Variants in TENM2 observed in about 807,000 individuals in gnomAD.
The protein encoded by TENM2 is teneurin transmembrane protein 2, also known as teneurin-2.
In TENM2, 52 loss-of-function variants were observed where a neutral mutation model predicts 245.2. The observed-to-expected ratio is 0.21, with a 90% CI of 0.17 to 0.27. TENM2 has a LOEUF of 0.27. TENM2 is among the 10% of genes least tolerant of loss of function. The probability of loss-of-function intolerance (pLI) is 1.00; values close to 1 mark genes in which losing one functional copy is unlikely to be tolerated. For synonymous variants in TENM2, 1,363 were observed against 1,438.9 expected (o/e 0.95, Z 1.19); for missense variants, 3,046 against 3,666.8 (o/e 0.83, Z 4.37).
chr5:168,149,500 G>A lies in TENM2; in HGVS notation c.2423-13111G>A, dbSNP rs561619743. On this transcript the variant is annotated intron_variant, in intron 12 of 28. Coordinates refer to ENST00000518659, the Ensembl canonical transcript of TENM2. ...TGTGTCTCTAAAGCCTTCCCTTTCCGAGGCATGTTAGGAAAACAGAAACAC... is the reference window on the plus strand; with the variant it reads ...TGTGTCTCTAAAGCCTTCCCTTTCCAAGGCATGTTAGGAAAACAGAAACAC... The A allele has an allele frequency of 5.6e-5, 22 of 393,042 alleles. No homozygotes were observed. The African/African-American group carries it at 5.8e-4, about 10-fold the overall frequency. 24.3% of individuals were successfully genotyped at this position (393,042 alleles called of 1,614,324 possible). A position where few individuals can be genotyped will look rare whatever the true frequency, so the allele number is the denominator to read the frequency against.
intron 27 of TENM2, among the ~76,000 whole-genome samples, chr5:168,254,480 G>C (rs1287041211): frequency 6.7e-6 from 1 of 150,080 alleles, no homozygotes; most frequent in Non-Finnish European, 1.5e-5. Context: ...GAGGAAGAAG[G>C]GGAGGAAGAG....
intron 2 of TENM2, among the ~76,000 whole-genome samples, chr5:167,484,446 G>A (rs530926568): frequency 1.4e-4 from 22 of 152,136 alleles, no homozygotes; most frequent in Non-Finnish European, 3.2e-4. Context: ...GGGAGAAGAT[G>A]TCCATATATG....
chr5:167,836,917 A>G (rs1338153323), intron 2 of TENM2, among the ~76,000 whole-genome samples: 1 of 152,188 alleles, frequency 6.6e-6, no homozygotes, highest in Non-Finnish European at 1.5e-5. Flanking sequence ...GAGGCACTGG[A>G]AAATCTGCTT....
intron 2 of TENM2, among the ~76,000 whole-genome samples, chr5:167,522,336 CT>C (rs1770815100): frequency 6.6e-6 from 1 of 152,064 alleles, no homozygotes; most frequent in South Asian, 2.1e-4. Context: ...CACAGTCAGC[CT>C]TATTTCAATC....
intron 2 of TENM2, among the ~76,000 whole-genome samples, chr5:167,712,929 T>C (rs535172235): frequency 1.3e-5 from 2 of 152,190 alleles, no homozygotes; most frequent in African/African-American, 2.4e-5. Flanking sequence ...GATTTTAGCA[T>C]CTTCTTGCTA....
Position 167,945,016 on chromosome 5 carries a change from A to T in TENM2, c.713-7572A>T, listed in dbSNP as rs1365432935. Reference sequence around the variant, plus strand: ...TGAGGGAATTAAGTGGGAGGGCATCATTGATTCCAGCAATCAACTAGAATG... The same window carrying T: ...TGAGGGAATTAAGTGGGAGGGCATCTTTGATTCCAGCAATCAACTAGAATG... On this transcript the variant is annotated intron_variant, in intron 3 of 28. Transcript: ENST00000518659. Among the ~76,000 whole-genome samples, 4 of 152,346 alleles carry T rather than the reference A, an allele frequency of 2.6e-5. No homozygotes were observed. The East Asian group carries it at 7.7e-4, about 29-fold the overall frequency.
chr5:167,687,080 T>G (rs1757123944), intron 2 of TENM2, among the ~76,000 whole-genome samples: 1 of 152,200 alleles, frequency 6.6e-6, no homozygotes, highest in Non-Finnish European at 1.5e-5. Context: ...GTTATATCTC[T>G]GCCTTAATTT....
chr5:167,431,985 T>A, intron 2 of TENM2, among the ~76,000 whole-genome samples: 1 of 89,658 alleles, frequency 1.1e-5, no homozygotes, highest in Non-Finnish European at 2.2e-5. Flanking sequence ...ATATGGAAGT[T>A]CAATGCTTTC....
At chr5:167,130,494 A>G in the TENM2 span, among the ~76,000 whole-genome samples, 4 of 152,206 alleles carry the variant, frequency 2.6e-5, no homozygotes, top group Non-Finnish European at 5.9e-5. Flanking sequence ...AGGTTGGAGC[A>G]TTCACTCAAC....
At chr5:167,630,553 T>C (rs536275004) in intron 2 of TENM2, among the ~76,000 whole-genome samples, 1 of 152,276 alleles carries the variant, frequency 6.6e-6, no homozygotes, top group East Asian at 1.9e-4. Flanking sequence ...CGAAGTGAAA[T>C]TGCCGCAAAT....
intron 2 of TENM2, among the ~76,000 whole-genome samples, chr5:167,416,362 T>G (rs1055715015): frequency 6.6e-6 from 1 of 152,252 alleles, no homozygotes; most frequent in African/African-American, 2.4e-5. Flanking sequence ...CTGTAAATTC[T>G]CATCCATGTA....
At chr5:167,371,358 CT>C (rs35083581) in intron 1 of TENM2, among the ~76,000 whole-genome samples, 131 of 119,902 alleles carry the variant, frequency 1.1e-3, no homozygotes, top group Non-Finnish European at 1.3e-3. Flanking sequence ...TCTTTCTTTT[CT>C]TTTTTTTTTT....
intron 2 of TENM2, among the ~76,000 whole-genome samples, chr5:167,381,329 G>A (rs1761085029): frequency 6.6e-6 from 1 of 152,074 alleles, no homozygotes; most frequent in Non-Finnish European, 1.5e-5. Context: ...ATTCTTTCTT[G>A]CTTTCCATCA....
At chr5:167,652,895 T>C (rs374834275) in intron 2 of TENM2, among the ~76,000 whole-genome samples, 4 of 152,206 alleles carry the variant, frequency 2.6e-5, no homozygotes, top group African/African-American at 9.6e-5. Context: ...CTCTGATCAT[T>C]TGATGTCTGG....
At chr5:167,978,946 G>A (rs1782636331) in intron 4 of TENM2, among the ~76,000 whole-genome samples, 1 of 152,146 alleles carries the variant, frequency 6.6e-6, no homozygotes, top group Admixed American at 6.5e-5. Flanking sequence ...TCTTCTCCTA[G>A]AAAGGTGCCA....
chr5:167,699,065 A>C (rs1356713511), intron 2 of TENM2, among the ~76,000 whole-genome samples: 1 of 152,148 alleles, frequency 6.6e-6, no homozygotes, highest in Non-Finnish European at 1.5e-5. Context: ...ACAGTTAGCT[A>C]GTTATAAAAG....
intron 2 of TENM2, among the ~76,000 whole-genome samples, chr5:167,670,056 A>C (rs1250948942): frequency 1.3e-5 from 2 of 152,148 alleles, no homozygotes; most frequent in African/African-American, 2.4e-5. Context: ...AACAGATGAC[A>C]TTATTTTTTA....
chr5:167,978,997 T>A (rs557601593), intron 4 of TENM2, among the ~76,000 whole-genome samples: 2 of 152,196 alleles, frequency 1.3e-5, no homozygotes, highest in African/African-American at 4.8e-5. Context: ...CTTGAAAGGG[T>A]TAAAGTCACA....
Position 168,216,749 on chromosome 5 carries a change from C to T in TENM2, c.4079-19C>T. On this transcript the variant is annotated intron_variant, in intron 21 of 28. Transcript: ENST00000518659. Reference sequence around the variant, plus strand: ...TACACCTTTCCAAGAGATAAATCCACACCGCTTGTCTTGCTCAGGTATTGC... The same window carrying T: ...TACACCTTTCCAAGAGATAAATCCATACCGCTTGTCTTGCTCAGGTATTGC... The T allele has an allele frequency of 6.2e-7, 1 of 1,613,650 alleles. No homozygotes were observed. The highest frequency in any genetic ancestry group is 8.5e-7 in the Non-Finnish European group (1 of 1,179,608).
Sources: gnomAD v4.1 joint callset for allele counts (sites outside exome capture counted in the v4.1 genomes callset) on GRCh38, gnomAD v4.1.1 for gene constraint, MANE v1.5 for transcripts, NCBI Gene and HGNC (gene_info 2026-07-23, HGNC 2026-07-21) for gene names.